The following CDH18 variants were observed in gnomAD, a reference collection of about 807,000 sequenced individuals.
The protein encoded by CDH18 is cadherin 18, also known as cadherin-18.
Under a neutral mutation model 67.9 loss-of-function variants are expected in CDH18, and 31 were observed. The ratio of observed to expected loss-of-function variants is 0.46; its 90% CI spans 0.34 to 0.62. The LOEUF is 0.62. CDH18 is among the 20% of genes least tolerant of loss of function. The pLI is 0.01. For synonymous variants in CDH18, 362 were observed against 347.2 expected (o/e 1.04, Z -0.48); for missense variants, 890 against 975.5 (o/e 0.91, Z 1.17).
In CDH18 at chr5:20,237,217, T is replaced by C. The variant is rs371186462; in HGVS notation, c.-518+18227A>G. Among the ~76,000 whole-genome samples the C allele has an allele frequency of 5.9e-4, 89 of 151,972 alleles. No homozygotes were observed. In the South Asian group the frequency reaches 0.016, roughly 27 times the overall value. On this transcript the variant is annotated intron_variant, in intron 2 of 14. Transcript: ENST00000507958. ...CTACAAAATGCCAAAAGAAAAATTA[T>C]AGTTCATGGTGAAAGATACAATGTT...
intron 8 of CDH18, among the ~76,000 whole-genome samples, chr5:19,570,527 C>T (rs1454393600): frequency 1.3e-5 from 2 of 152,072 alleles, no homozygotes; most frequent in Non-Finnish European, 2.9e-5. Flanking sequence ...CCCACAGATA[C>T]TGAGGAGACT....
intron 2 of CDH18, among the ~76,000 whole-genome samples, chr5:20,081,678 G>A (rs1248478968): frequency 2.0e-5 from 3 of 151,988 alleles, no homozygotes; most frequent in African/African-American, 7.2e-5. Context: ...TTATGCTAAC[G>A]ATACTAACAC....
At chr5:20,337,782 C>T (rs1185137930) in intron 1 of CDH18, among the ~76,000 whole-genome samples, 3 of 152,176 alleles carry the variant, frequency 2.0e-5, no homozygotes, top group Non-Finnish European at 4.4e-5. Flanking sequence ...TCAGCAATGC[C>T]CCACTCTACT....
intron 1 of CDH18, chr5:20,305,182 C>T (rs757428201): frequency 2.0e-4 from 287 of 1,420,378 alleles, no homozygotes; most frequent in Non-Finnish European, 2.1e-4. Flanking sequence ...TATGTTGTTT[C>T]CATTCGACAG....
chr5:19,610,326 T>C (rs1450845007), intron 6 of CDH18, among the ~76,000 whole-genome samples: 4 of 152,100 alleles, frequency 2.6e-5, no homozygotes, highest in Non-Finnish European at 4.4e-5. Flanking sequence ...ACAATGACAC[T>C]ATTATTGATC....
chr5:19,565,879 C>T (rs12109349), intron 8 of CDH18, among the ~76,000 whole-genome samples: 3 of 151,984 alleles, frequency 2.0e-5, no homozygotes, highest in Non-Finnish European at 4.4e-5. Flanking sequence ...GGGATCACAT[C>T]GAGTTAAAAA....
At chr5:20,373,041 T>C (rs946362315) in intron 1 of CDH18, among the ~76,000 whole-genome samples, 2 of 152,266 alleles carry the variant, frequency 1.3e-5, no homozygotes, top group African/African-American at 4.8e-5. Context: ...GCCCATATTG[T>C]TATTGTTGAT....
intron 5 of CDH18, among the ~76,000 whole-genome samples, chr5:19,683,370 C>T (rs546552742): frequency 2.0e-5 from 3 of 152,092 alleles, no homozygotes; most frequent in African/African-American, 7.2e-5. Context: ...ATCCATATGG[C>T]CTCTTCTGCA....
chr5:20,047,008 A>C (rs920266717), intron 2 of CDH18, among the ~76,000 whole-genome samples: 6 of 151,840 alleles, frequency 4.0e-5, no homozygotes, highest in Non-Finnish European at 8.8e-5. Flanking sequence ...GTATAATACA[A>C]AAAAAACAAA....
intron 1 of CDH18, among the ~76,000 whole-genome samples, chr5:20,371,726 G>A (rs1042213696): frequency 6.6e-6 from 1 of 152,202 alleles, no homozygotes; most frequent in African/African-American, 2.4e-5. Flanking sequence ...TGCAGCACAT[G>A]GAAAGTTCCT....
At chr5:20,152,174 C>CATATAATTATATATAATATATATAATTAT (rs1751171064) in intron 2 of CDH18, among the ~76,000 whole-genome samples, 1 of 132,006 alleles carries the variant, frequency 7.6e-6, no homozygotes, top group South Asian at 2.4e-4. Context: ...ATATAAAATA[C>CATATAATTATATATAATATATATAATTAT]ATATAATTAT....
At chr5:20,279,249 T>C (rs939627257) in intron 1 of CDH18, among the ~76,000 whole-genome samples, 4 of 152,100 alleles carry the variant, frequency 2.6e-5, no homozygotes, top group African/African-American at 9.7e-5. Flanking sequence ...CATAAGTAGC[T>C]ATATTTATAT....
chr5:20,083,197 T>C (rs1005032558), intron 2 of CDH18, among the ~76,000 whole-genome samples: 1 of 152,160 alleles, frequency 6.6e-6, no homozygotes, highest in Non-Finnish European at 1.5e-5. Flanking sequence ...CTAGAAGTTG[T>C]TGAGTTTCTG....
chr5:20,259,638 GT>G (rs1445592239), intron 1 of CDH18, among the ~76,000 whole-genome samples: 1 of 152,082 alleles, frequency 6.6e-6, no homozygotes, highest in East Asian at 1.9e-4. Flanking sequence ...TACAAAATAT[GT>G]GTTAACTGAC....
chr5:20,517,800 T>C (rs1272023668), intron 1 of CDH18, among the ~76,000 whole-genome samples: 1 of 152,074 alleles, frequency 6.6e-6, no homozygotes, highest in Non-Finnish European at 1.5e-5. Context: ...AAGCATACCA[T>C]GTAGACTTCA....
chr5:20,301,203 G>C (rs1735868187), intron 1 of CDH18, among the ~76,000 whole-genome samples: 1 of 151,888 alleles, frequency 6.6e-6, no homozygotes, highest in Non-Finnish European at 1.5e-5. Context: ...TTGTTTGTTT[G>C]TTTTACTTTT....
At chr5:19,831,935 A>G (rs1781079715) in intron 3 of CDH18, among the ~76,000 whole-genome samples, 1 of 152,172 alleles carries the variant, frequency 6.6e-6, no homozygotes, top group African/African-American at 2.4e-5. Context: ...CATAAAAAAG[A>G]ACAAAATCAT....
At chr5:20,186,384 T>G (rs1245326456) in intron 2 of CDH18, among the ~76,000 whole-genome samples, 1 of 151,964 alleles carries the variant, frequency 6.6e-6, no homozygotes, top group African/African-American at 2.4e-5. Flanking sequence ...AAATCCCATA[T>G]CTGGCAAGGG....
intron 1 of CDH18, among the ~76,000 whole-genome samples, chr5:20,324,084 G>A (rs114727199): frequency 0.011 from 1,739 of 152,256 alleles, 31 homozygotes; most frequent in African/African-American, 0.04. Flanking sequence ...AAATCAACTA[G>A]TTGTTTTCCA....
Sources: gnomAD v4.1 joint callset for allele counts (sites outside exome capture counted in the v4.1 genomes callset) on GRCh38, gnomAD v4.1.1 for gene constraint, MANE v1.5 for transcripts, NCBI Gene and HGNC (gene_info 2026-07-23, HGNC 2026-07-21) for gene names.